The following RBFOX3 variants were observed in gnomAD, a reference collection of about 807,000 sequenced individuals.
RBFOX3 encodes RNA binding fox-1 homolog 3, also known as RNA binding protein fox-1 homolog 3.
In RBFOX3, 17 loss-of-function variants were observed where a neutral mutation model predicts 48.7. That is an observed-to-expected ratio of 0.35 (90% confidence interval 0.24 to 0.52). The LOEUF (loss-of-function observed/expected upper bound fraction) is 0.52. Among genes scored for constraint, RBFOX3 ranks in the 20% least tolerant of loss-of-function variants. RBFOX3 has a pLI of 0.94. For missense variants in RBFOX3, 382 were observed against 497.5 expected, an observed-to-expected ratio of 0.77 and a Z score of 2.21; for synonymous variants, 212 against 209.5, an observed-to-expected ratio of 1.01 and a Z score of -0.10.
At chr17:79,415,026 G>A (rs929818443) in intron 2 of RBFOX3, among the ~76,000 whole-genome samples, 5 of 152,130 alleles carry the variant, frequency 3.3e-5, no homozygotes, top group East Asian at 1.9e-4. Context: ...CCAGCTCATC[G>A]CCACGGTCCA....
the RBFOX3 span, among the ~76,000 whole-genome samples, chr17:79,626,405 A>G: frequency 2.0e-5 from 3 of 152,186 alleles, no homozygotes; most frequent in Non-Finnish European, 2.9e-5. Context: ...TCAGCGGGCC[A>G]CGCCAGTAAG....
intron 4 of RBFOX3, among the ~76,000 whole-genome samples, chr17:79,149,616 C>T (rs1388448546): frequency 3.3e-5 from 5 of 152,078 alleles, no homozygotes; most frequent in Non-Finnish European, 5.9e-5. Flanking sequence ...CCACTGCCTT[C>T]CCCGCCAGCT....
At chr17:79,256,136 C>T (rs2064810876) in intron 3 of RBFOX3, among the ~76,000 whole-genome samples, 1 of 151,854 alleles carries the variant, frequency 6.6e-6, no homozygotes, top group East Asian at 2.0e-4. Context: ...CCCAGCCCCG[C>T]CAGGTGTGCA....
intron 1 of RBFOX3, among the ~76,000 whole-genome samples, chr17:79,547,639 C>T (rs1361250344): frequency 1.3e-5 from 2 of 152,170 alleles, no homozygotes; most frequent in Admixed American, 1.3e-4. Flanking sequence ...GTGTGCTTCA[C>T]TTTCGGGGAA....
At chr17:79,499,933 A>G (rs1247999661) in intron 1 of RBFOX3, among the ~76,000 whole-genome samples, 12 of 152,202 alleles carry the variant, frequency 7.9e-5, no homozygotes, top group African/African-American at 2.7e-4. Flanking sequence ...TTTTCCTGCA[A>G]AAGAGGTGGA....
chr17:79,310,189 A>T (rs932577729), intron 2 of RBFOX3, among the ~76,000 whole-genome samples: 2 of 152,162 alleles, frequency 1.3e-5, no homozygotes, highest in East Asian at 1.9e-4. Flanking sequence ...CCTCCATAGC[A>T]TGCATTCCCC....
intron 3 of RBFOX3, among the ~76,000 whole-genome samples, chr17:79,281,482 G>C (rs1010557737): frequency 1.3e-5 from 2 of 151,922 alleles, no homozygotes; most frequent in African/African-American, 4.8e-5. Context: ...GGGGCTGGAA[G>C]GAGCCACGGG....
intron 1 of RBFOX3, among the ~76,000 whole-genome samples, chr17:79,568,742 G>A (rs2092558335): frequency 6.6e-6 from 1 of 152,024 alleles, no homozygotes; most frequent in Non-Finnish European, 1.5e-5. Flanking sequence ...TCCCAGCTCC[G>A]CCCCCATTTA....
intron 2 of RBFOX3, among the ~76,000 whole-genome samples, chr17:79,472,007 G>C (rs895182005): frequency 7.9e-4 from 121 of 152,350 alleles, no homozygotes; most frequent in Non-Finnish European, 6.3e-4. Context: ...AGAAAGAAAA[G>C]GGGACAGGTG....
intron 4 of RBFOX3, among the ~76,000 whole-genome samples, chr17:79,174,974 C>T (rs942160919): frequency 3.3e-5 from 5 of 152,210 alleles, no homozygotes; most frequent in Non-Finnish European, 5.9e-5. Context: ...GGCCTCAGCT[C>T]GGGGCCTCCT....
chr17:79,590,493 C>G (rs1269792450), intron 1 of RBFOX3, among the ~76,000 whole-genome samples: 1 of 152,180 alleles, frequency 6.6e-6, no homozygotes, highest in Non-Finnish European at 1.5e-5. Context: ...CTGTTATTTC[C>G]TTCCCAGCCC....
rs368899982 is a variant in RBFOX3, at chr17:79,477,028, T to A, written c.-175+5426A>T. 2.7e-3 allele frequency among the ~76,000 whole-genome samples: 401 copies of A among 146,494 alleles called. 3 individuals are homozygous for A. The highest frequency in any genetic ancestry group is 9.1e-3 in the African/African-American group (357 of 39,240). On this transcript the variant is annotated intron_variant, in intron 2 of 14. Coordinates refer to ENST00000693108, the MANE Select transcript of RBFOX3 (RefSeq NM_001350451.2). The surrounding 1 kb of genome is among the most constrained non-coding windows in gnomAD (Gnocchi z 4.8). ...TGGGTGGATCACTTGAGGTCAGGAG[T>A]TCGAGACCAGCCTGGCCAACAGGGT...
chr17:79,104,094 A>G lies in RBFOX3; in HGVS notation c.393T>C (p.Ile131=). The change falls in exon 7 of 15, where the codon ATT becomes ATC. Residue 131 remains isoleucine (I), a synonymous_variant. Transcript: ENST00000693108. ...CCACCTTGGAGCCCCGCTCGTTAAAAATGATCTCCACGTCTAAAATTTTTC... is the reference window on the plus strand; with the variant it reads ...CCACCTTGGAGCCCCGCTCGTTAAAGATGATCTCCACGTCTAAAATTTTTC... ...QFGKILDVEI[I]FNERGSKGFG... is the part of the protein sequence containing the mutation. The G allele has an allele frequency of 1.3e-6, 2 of 1,551,260 alleles. No individual in the cohort carries two copies. Among genetic ancestry groups the G allele is most frequent in the Non-Finnish European group, 1.7e-6 (2 of 1,146,918 alleles).
chr17:79,106,620 G>A (rs1290725321), intron 6 of RBFOX3, 31 bp downstream of exon 6: 9 of 1,431,570 alleles, frequency 6.3e-6, no homozygotes, highest in Non-Finnish European at 7.3e-6. Flanking sequence ...CAGGTGTGGA[G>A]GGCAGGATGG....
intron 1 of RBFOX3, among the ~76,000 whole-genome samples, chr17:79,564,332 G>T (rs918571382): frequency 3.3e-5 from 5 of 152,224 alleles, no homozygotes; most frequent in Non-Finnish European, 7.3e-5. Flanking sequence ...GTGCTGGGAA[G>T]AAAACCAGGA....
chr17:79,568,165 A>G (rs1405326230), intron 1 of RBFOX3, among the ~76,000 whole-genome samples: 1 of 152,124 alleles, frequency 6.6e-6, no homozygotes, highest in East Asian at 1.9e-4. Context: ...ACACACATCT[A>G]GAGTACAAAG....
chr17:79,268,655 G>A (rs1274816875), intron 3 of RBFOX3, among the ~76,000 whole-genome samples: 2 of 152,172 alleles, frequency 1.3e-5, no homozygotes, highest in African/African-American at 4.8e-5. Flanking sequence ...CCACACTCAT[G>A]CCCTGGCTGA....
At chr17:79,663,978 C>T in the RBFOX3 span, among the ~76,000 whole-genome samples, 2 of 152,102 alleles carry the variant, frequency 1.3e-5, no homozygotes, top group African/African-American at 2.4e-5. Context: ...GAGGGAAAGA[C>T]GCTGACTACC....
rs1326285801 is a variant in RBFOX3, at chr17:79,199,431, C to T, written c.-34+36335G>A. The stretch of plus-strand genomic sequence containing the variant: ...CCGCCCTACTGCAGGAGTTGCAGAT[C>T]TTGGGGGTCTCTCAGTGGGGGAAAT... On this transcript the variant is annotated intron_variant, in intron 4 of 14. Coordinates refer to ENST00000693108, the MANE Select transcript of RBFOX3 (RefSeq NM_001350451.2). This position sits in a 1 kb window ranked among gnomAD's most constrained non-coding sequence, Gnocchi z 5.1. 6.6e-6 allele frequency among the ~76,000 whole-genome samples: 1 copy of T among 152,084 alleles called. No individual in the cohort carries two copies. The highest frequency in any genetic ancestry group is 1.5e-5 in the Non-Finnish European group (1 of 68,022).
Sources: gnomAD v4.1 joint callset for allele counts (sites outside exome capture counted in the v4.1 genomes callset) on GRCh38, gnomAD v4.1.1 for gene constraint, Gnocchi (gnomAD v3.1) non-coding constraint, MANE v1.5 for transcripts, NCBI Gene and HGNC (gene_info 2026-07-23, HGNC 2026-07-21) for gene names.